UNC5D: variants seen among roughly 807,000 people sequenced by gnomAD.
The protein encoded by UNC5D is netrin receptor UNC5D.
A neutral mutation model predicts 105.4 loss-of-function variants in UNC5D; 39 were observed. The observed-to-expected ratio is 0.37, with a 90% CI of 0.29 to 0.48. The LOEUF (loss-of-function observed/expected upper bound fraction) is 0.48, where lower values mean the gene tolerates loss of function less well. UNC5D is among the 20% of genes least tolerant of loss of function. The probability of loss-of-function intolerance (pLI) is 0.98; values close to 1 mark genes in which losing one functional copy is unlikely to be tolerated. For synonymous variants in UNC5D, 452 were observed against 450.4 expected (o/e 1.00, Z -0.04); for missense variants, 991 against 1,202.4 (o/e 0.82, Z 2.60).
At chr8:35,544,059 C>G (rs1274275048) in intron 1 of UNC5D, among the ~76,000 whole-genome samples, 1 of 152,192 alleles carries the variant, frequency 6.6e-6, no homozygotes, top group Non-Finnish European at 1.5e-5. Flanking sequence ...ACTGTCAGTG[C>G]AGCCTTAGGC....
At chr8:35,398,600 T>C (rs1804246593) in intron 1 of UNC5D, among the ~76,000 whole-genome samples, 2 of 152,010 alleles carry the variant, frequency 1.3e-5, no homozygotes, top group African/African-American at 2.4e-5. Context: ...CACATTGAAG[T>C]TGTATTTGAG....
At chr8:35,605,476 G>T (rs1182300208) in intron 4 of UNC5D, among the ~76,000 whole-genome samples, 1 of 152,208 alleles carries the variant, frequency 6.6e-6, no homozygotes, top group Non-Finnish European at 1.5e-5. Flanking sequence ...CTCTCAGTTA[G>T]GCTACTTGGC....
intron 11 of UNC5D, among the ~76,000 whole-genome samples, chr8:35,746,146 AAC>A (rs1481149348): frequency 2.0e-5 from 3 of 152,286 alleles, no homozygotes; most frequent in African/African-American, 7.2e-5. Context: ...AATCTCCGGT[AAC>A]AGAGAAGAAA....
intron 1 of UNC5D, among the ~76,000 whole-genome samples, chr8:35,413,255 G>GTC (rs1327607047): frequency 1.0e-5 from 1 of 95,636 alleles, no homozygotes; most frequent in East Asian, 3.9e-4. Flanking sequence ...GTGGGGGCGG[G>GTC]TCTGTGTGTG....
At chr8:35,737,135 CT>C (rs1829508919) in intron 11 of UNC5D, among the ~76,000 whole-genome samples, 1 of 152,080 alleles carries the variant, frequency 6.6e-6, no homozygotes, top group Non-Finnish European at 1.5e-5. Flanking sequence ...AGTTACTCTA[CT>C]TTTGAGTGCC....
At chr8:35,683,808 T>A (rs1001236110) in intron 5 of UNC5D, 81 bp downstream of exon 5, 1 of 1,316,718 alleles carries the variant, frequency 7.6e-7, no homozygotes, top group African/African-American at 1.5e-5. Context: ...AAACTTTCAA[T>A]GTCGAGAGCT....
chr8:35,783,146 G>C (rs75016525), intron 16 of UNC5D, among the ~76,000 whole-genome samples: 2,106 of 144,694 alleles, frequency 0.015, 36 homozygotes, highest in African/African-American at 0.052. Context: ...CTATCTTGGA[G>C]AAAGAAAAAA....
chr8:35,572,295 A>G (rs1437415602), intron 3 of UNC5D, among the ~76,000 whole-genome samples: 1 of 150,396 alleles, frequency 6.6e-6, no homozygotes, highest in African/African-American at 2.4e-5. Context: ...AAAAAAAAAA[A>G]AAAAACCCAC....
chr8:35,535,073 T>C (rs1814730989), intron 1 of UNC5D, among the ~76,000 whole-genome samples: 1 of 152,142 alleles, frequency 6.6e-6, no homozygotes, highest in Admixed American at 6.5e-5. Context: ...ACAGTAGTAA[T>C]ACAGGTCATT....
intron 11 of UNC5D, among the ~76,000 whole-genome samples, chr8:35,738,641 T>C (rs1182812887): frequency 6.6e-6 from 1 of 152,242 alleles, no homozygotes; most frequent in Admixed American, 6.5e-5. Context: ...TCTCTGTTTC[T>C]CATAACACTC....
intron 8 of UNC5D, among the ~76,000 whole-genome samples, chr8:35,718,348 A>T (rs73671916): frequency 6.6e-6 from 1 of 152,206 alleles, no homozygotes; most frequent in African/African-American, 2.4e-5. Context: ...AATCACTTTG[A>T]GCAAACAAAC....
At chr8:35,519,290 C>T (rs1409435259) in intron 1 of UNC5D, among the ~76,000 whole-genome samples, 3 of 152,018 alleles carry the variant, frequency 2.0e-5, no homozygotes, top group Non-Finnish European at 2.9e-5. Flanking sequence ...TGATTACCTC[C>T]CAGTTTTTAT....
chr8:35,512,535 G>GTATATATATATATATA (rs71887063), intron 1 of UNC5D, among the ~76,000 whole-genome samples: 1 of 33,448 alleles, frequency 3.0e-5, no homozygotes, highest in African/African-American at 2.2e-4. Flanking sequence ...ATTCAGATAT[G>GTATATATATATATATA]TATGTATATA....
intron 1 of UNC5D, among the ~76,000 whole-genome samples, chr8:35,402,352 G>C (rs968200301): frequency 6.6e-6 from 1 of 152,100 alleles, no homozygotes; most frequent in African/African-American, 2.4e-5. Context: ...GCAGGCAAGA[G>C]AGAATGAGAG....
chr8:35,657,096 A>G (rs1303753357), intron 4 of UNC5D, among the ~76,000 whole-genome samples: 54 of 111,028 alleles, frequency 4.9e-4, no homozygotes, highest in African/African-American at 1.4e-3. Context: ...ATATATATAT[A>G]TATATATATA....
intron 4 of UNC5D, among the ~76,000 whole-genome samples, chr8:35,679,360 G>GAAAT (rs1200698182): frequency 1.3e-5 from 2 of 152,178 alleles, no homozygotes; most frequent in Non-Finnish European, 2.9e-5. Flanking sequence ...CCTCTGTGAA[G>GAAAT]AAATAACATT....
At chr8:35,633,303 G>A (rs1423290056) in intron 4 of UNC5D, among the ~76,000 whole-genome samples, 1 of 152,148 alleles carries the variant, frequency 6.6e-6, no homozygotes, top group Non-Finnish European at 1.5e-5. Flanking sequence ...ATACTCCCTT[G>A]GAGGTGTTCC....
intron 1 of UNC5D, among the ~76,000 whole-genome samples, chr8:35,355,963 G>A (rs934404362): frequency 5.3e-5 from 8 of 152,090 alleles, no homozygotes; most frequent in African/African-American, 1.9e-4. Context: ...CCAGCCTTCA[G>A]GCTAGAGTGC....
chr8:35,605,332 A>T (rs1017939579), intron 4 of UNC5D, among the ~76,000 whole-genome samples: 4 of 152,178 alleles, frequency 2.6e-5, no homozygotes, highest in Non-Finnish European at 5.9e-5. Context: ...TTGCCTGGGT[A>T]TCAGCAGCGG....
Sources: allele counts gnomAD v4.1 joint callset (sites outside exome capture counted in the v4.1 genomes callset), GRCh38; gene constraint gnomAD v4.1.1; transcripts MANE v1.5; gene names NCBI Gene and HGNC (gene_info 2026-07-23, HGNC 2026-07-21).